The following PBRM1 variants were observed in gnomAD, a reference collection of about 807,000 sequenced individuals.
PBRM1 encodes protein polybromo-1.
In PBRM1, 27 loss-of-function variants were observed where a neutral mutation model predicts 194.5. The observed-to-expected ratio is 0.14, with a 90% CI of 0.10 to 0.19. The LOEUF (loss-of-function observed/expected upper bound fraction) is 0.19. PBRM1 is among the 10% of genes least tolerant of loss of function. The pLI, the probability that PBRM1 is intolerant of heterozygous loss-of-function variation, is 1.00. For missense variants in PBRM1, 1,466 were observed against 2,077.2 expected (o/e 0.71, Z 5.72); for synonymous variants, 655 against 693.2 (o/e 0.94, Z 0.87).
At chr3:52,584,507 G>C (rs1461174421) in intron 20 of PBRM1, among the ~76,000 whole-genome samples, 1 of 123,602 alleles carries the variant, frequency 8.1e-6, no homozygotes, top group Non-Finnish European at 1.6e-5. Context: ...CCAGGCTAGA[G>C]TGCAGTGGTG....
intron 17 of PBRM1, among the ~76,000 whole-genome samples, chr3:52,589,473 T>C (rs2153810180): frequency 6.6e-6 from 1 of 152,326 alleles, no homozygotes; most frequent in South Asian, 2.1e-4. Context: ...TTAATTTAAA[T>C]GAATATATAA....
At chr3:52,632,729 C>CCCAGG in intron 11 of PBRM1, among the ~76,000 whole-genome samples, 1 of 150,326 alleles carries the variant, frequency 6.7e-6, no homozygotes, top group Non-Finnish European at 1.5e-5. Context: ...CACTCTGTCA[C>CCCAGG]CCAGGCTGGA....
At chr3:52,619,255 T>C (rs762583127) in intron 13 of PBRM1, among the ~76,000 whole-genome samples, 2 of 152,204 alleles carry the variant, frequency 1.3e-5, no homozygotes, top group Non-Finnish European at 2.9e-5. Flanking sequence ...CCCTTGGTAT[T>C]CATGGGGAAT....
At position 52,615,465 on chromosome 3, in the gene PBRM1, CA is replaced by C. The variant is rs747218372; in HGVS notation, c.1819-10del. ...TGTGCATCATTATAAACCTACATTCCAAAAATATACTTCAATTATTTTCTAA... is the reference window on the plus strand; with the variant it reads ...TGTGCATCATTATAAACCTACATTCCAAAATATACTTCAATTATTTTCTAA... On this transcript the variant is annotated splice_polypyrimidine_tract_variant and intron_variant, in intron 14 of 29. Transcript: ENST00000296302. 28 of 1,417,974 alleles carry C rather than the reference CA, an allele frequency of 2.0e-5. No homozygotes were observed. The highest frequency in any genetic ancestry group is 1.8e-4 in the Middle Eastern group (1 of 5,692). 87.8% of individuals were successfully genotyped at this position (1,417,974 alleles called of 1,614,324 possible).
intron 3 of PBRM1, among the ~76,000 whole-genome samples, chr3:52,662,852 C>A (rs893314809): frequency 4.0e-5 from 6 of 149,248 alleles, no homozygotes; most frequent in Non-Finnish European, 7.4e-5. Flanking sequence ...CACCAAAAAA[C>A]CCAAAAAAAC....
At chr3:52,589,297 C>T in intron 17 of PBRM1, 42 bp from the exon 20 acceptor site, 9 of 1,330,084 alleles carry the variant, frequency 6.8e-6, no homozygotes, top group Non-Finnish European at 9.2e-6. Flanking sequence ...AAGGTACTCA[C>T]CAAAGGGATG....
intron 1 of PBRM1, chr3:52,685,445 G>A (rs755008291): frequency 3.9e-5 from 6 of 152,172 alleles, no homozygotes; most frequent in African/African-American, 1.4e-4. Context: ...CCTGTCACTG[G>A]TATTGGGGAC....
At chr3:52,642,788 A>ATT (rs879552929) in intron 9 of PBRM1, among the ~76,000 whole-genome samples, 16 of 139,894 alleles carry the variant, frequency 1.1e-4, no homozygotes, top group South Asian at 4.6e-4. Flanking sequence ...TAGTAATTCA[A>ATT]TTTTTTTTTT....
At chr3:52,652,384 CA>C (rs71615865) in intron 5 of PBRM1, among the ~76,000 whole-genome samples, 19,438 of 96,530 alleles carry the variant, frequency 0.2, 1,790 homozygotes, top group East Asian at 0.47. Flanking sequence ...GACTTCGTCT[CA>C]AAAAAAAAAA....
intron 1 of PBRM1, 77 bp downstream of exon 2, chr3:52,679,497 A>C: frequency 1.5e-6 from 2 of 1,367,690 alleles, no homozygotes; most frequent in East Asian, 2.3e-5. Context: ...CTTGCATCGT[A>C]ACAATTTTAC....
chr3:52,547,883 A>G (rs1488280631), downstream of PBRM1: 6 of 516,588 alleles, frequency 1.2e-5, no homozygotes, highest in Admixed American at 8.6e-5. Flanking sequence ...TCAACTTAAT[A>G]TAACAAACAA....
intron 25 of PBRM1, 30 bp downstream of exon 27, chr3:52,561,737 G>T: frequency 6.3e-7 from 1 of 1,597,028 alleles, no homozygotes; most frequent in South Asian, 1.1e-5. Flanking sequence ...CCCTTGCTTC[G>T]AAAGACAGTT....
intron 9 of PBRM1, among the ~76,000 whole-genome samples, 153 bp from the exon 11 acceptor site, chr3:52,642,198 C>G (rs1424916966): frequency 1.3e-5 from 2 of 152,152 alleles, no homozygotes; most frequent in African/African-American, 4.8e-5. Flanking sequence ...CTTAATGGTT[C>G]TCATAATCAA....
At chr3:52,684,167 C>CAAAAAA (rs66702174), upstream of PBRM1, among the ~76,000 whole-genome samples, 1 of 75,718 alleles carries the variant, frequency 1.3e-5, no homozygotes, top group Non-Finnish European at 2.3e-5. Context: ...GACCTTGTCT[C>CAAAAAA]AAAAAAAAAA....
intron 20 of PBRM1, among the ~76,000 whole-genome samples, chr3:52,581,962 G>T (rs1229006845): frequency 6.6e-6 from 1 of 152,128 alleles, no homozygotes; most frequent in Non-Finnish European, 1.5e-5. Flanking sequence ...AAAAGTTCCG[G>T]TCGGGAGTAG....
intron 4 of PBRM1, 43 bp downstream of exon 5, chr3:52,662,090 C>T (rs1184461388): frequency 1.9e-6 from 3 of 1,601,978 alleles, no homozygotes; most frequent in Middle Eastern, 1.7e-4. Flanking sequence ...CCCTCTCTGC[C>T]TTCCAAGAGC....
intron 1 of PBRM1, 37 bp from the exon 3 acceptor site, chr3:52,678,634 A>T: frequency 7.5e-7 from 1 of 1,332,962 alleles, no homozygotes; most frequent in South Asian, 1.2e-5. Context: ...TCACTAAAAA[A>T]GTGAACAGAA....
intron 20 of PBRM1, among the ~76,000 whole-genome samples, chr3:52,581,231 C>T (rs547592052): frequency 6.6e-6 from 1 of 152,134 alleles, no homozygotes; most frequent in Non-Finnish European, 1.5e-5. Context: ...GAGGGAAGGC[C>T]GGGAGTGGTG....
chr3:52,610,053 G>T, intron 15 of PBRM1, 98 bp from the exon 18 acceptor site: 1 of 711,898 alleles, frequency 1.4e-6, no homozygotes, highest in Non-Finnish European at 2.2e-6. Context: ...CAAGTAATTT[G>T]TAAAATCTAG....
Sources: allele counts gnomAD v4.1 joint callset (sites outside exome capture counted in the v4.1 genomes callset), GRCh38; gene constraint gnomAD v4.1.1; transcripts MANE v1.5; gene names NCBI Gene and HGNC (gene_info 2026-07-23, HGNC 2026-07-21).